Variants in ECHDC1 observed in about 807,000 individuals in gnomAD.
ECHDC1 encodes the protein ethylmalonyl-CoA decarboxylase.
Under a neutral mutation model 29.7 loss-of-function variants are expected in ECHDC1, and 29 were observed. That is an observed-to-expected ratio of 0.98 (90% CI 0.73 to 1.33). The LOEUF is 1.33. ECHDC1 is among the 40% of genes most tolerant of loss of function. The pLI is 0.00. For missense variants in ECHDC1, 328 were observed against 350.0 expected (o/e 0.94, Z 0.50); for synonymous variants, 126 against 123.1 (o/e 1.02, Z -0.15).
chr6:127,338,925 A>G (rs950607313), intron 1 of ECHDC1, among the ~76,000 whole-genome samples: 1 of 152,158 alleles, frequency 6.6e-6, no homozygotes, highest in Non-Finnish European at 1.5e-5. Context: ...ATGCATCCAC[A>G]GTTATTTCTT....
chr6:127,290,166 G>C lies in ECHDC1; in HGVS notation c.609C>G (p.Leu203=), dbSNP rs774175204. The change falls in exon 6 of 6, where the codon CTC becomes CTG. Residue 203 remains leucine (L), a synonymous_variant. Coordinates refer to ENST00000454859, the MANE Select transcript of ECHDC1 (RefSeq NM_001002030.2). ...LVEIIGSRQA[L]KVLSGALKLD... ...GTTTAAGGGCCCCACTCAACACTTTGAGAGCTTGTCTACTTCCGATTATTT... is the reference window on the plus strand; with the variant it reads ...GTTTAAGGGCCCCACTCAACACTTTCAGAGCTTGTCTACTTCCGATTATTT... 1.2e-6 allele frequency: 2 copies of C among 1,613,720 alleles called. No individual in the cohort carries two copies. Among genetic ancestry groups the C allele is most frequent in the East Asian group, 2.2e-5 (1 of 44,842 alleles).
chr6:127,304,911 T>C (rs557959995), intron 5 of ECHDC1, among the ~76,000 whole-genome samples: 4 of 152,218 alleles, frequency 2.6e-5, no homozygotes, highest in Admixed American at 1.3e-4. Flanking sequence ...CTACAGGATA[T>C]AGAAAATAGT....
intron 5 of ECHDC1, among the ~76,000 whole-genome samples, chr6:127,294,327 G>C (rs1320540497): frequency 1.3e-5 from 2 of 152,152 alleles, no homozygotes; most frequent in African/African-American, 4.8e-5. Context: ...GAAAATTATA[G>C]AATTCGCAAC....
chr6:127,330,071 C>A (rs570519883), intron 2 of ECHDC1, among the ~76,000 whole-genome samples: 1 of 152,138 alleles, frequency 6.6e-6, no homozygotes, highest in Non-Finnish European at 1.5e-5. Context: ...AAGTGCATAA[C>A]TGAAAAGGAG....
At chr6:127,326,584 T>C (rs982537032) in intron 3 of ECHDC1, 1 of 414,006 alleles carries the variant, frequency 2.4e-6, no homozygotes, top group Non-Finnish European at 5.0e-6. Context: ...CCTGTAAATT[T>C]AAAATTATTC....
At position 127,314,899 on chromosome 6, in the gene ECHDC1, G is replaced by A. The variant is rs376600385; in HGVS notation, c.417-3C>T. On this transcript the variant is annotated splice_polypyrimidine_tract_variant and splice_region_variant and intron_variant, in intron 4 of 5. Transcript: ENST00000454859. ...GCGCAACACTTATTAAAGGAAGTCT[G>A]TATATTGAAGAAAAAACTGATGTTA... The A allele has an allele frequency of 6.2e-7, 1 of 1,610,052 alleles. No individual in the cohort carries two copies. The highest frequency in any genetic ancestry group is 8.5e-7 in the Non-Finnish European group (1 of 1,177,930).
chr6:127,290,213 C>A lies in ECHDC1; in HGVS notation c.562G>T (p.Gly188Cys), dbSNP rs1482345307. Residue 188 changes from glycine (G) to cysteine (C), a missense_variant, in exon 6 of 6, where the codon GGT becomes TGT. Physicochemically the swap from Gly to Cys is radical, Grantham distance 159 (BLOSUM62 -3). Coordinates refer to ENST00000454859, the MANE Select transcript of ECHDC1 (RefSeq NM_001002030.2). Reference sequence around the variant, plus strand: ...ATTTCAACTAGCCGGGTGGTGCCACCCCAGCTTGGTATTATGCCCATCTCT... The same window carrying A: ...ATTTCAACTAGCCGGGTGGTGCCACACCAGCTTGGTATTATGCCCATCTCT... ...HKEMGIIPSW[G>C]GTTRLVEIIG... 2.5e-6 allele frequency: 4 copies of A among 1,613,462 alleles called. No homozygotes were observed. Among genetic ancestry groups the A allele is most frequent in the Non-Finnish European group, 3.4e-6 (4 of 1,179,732 alleles).
At chr6:127,320,231 G>A (rs1782730096) in intron 3 of ECHDC1, among the ~76,000 whole-genome samples, 1 of 152,120 alleles carries the variant, frequency 6.6e-6, no homozygotes, top group Non-Finnish European at 1.5e-5. Flanking sequence ...TGGCCAGGTT[G>A]GTCTCGAACT....
In ECHDC1 at chr6:127,290,017, A is replaced by G; in HGVS notation, c.758T>C (p.Val253Ala). The G allele has an allele frequency of 6.2e-7, 1 of 1,613,714 alleles. No homozygotes were observed. The highest frequency in any genetic ancestry group is 8.5e-7 in the Non-Finnish European group (1 of 1,179,762). ...AACAGATTTTTTCAAAGCTCTAATTACTTCCGGTGGCCCTTGGATGAATTG... is the reference window on the plus strand; with the variant it reads ...AACAGATTTTTTCAAAGCTCTAATTGCTTCCGGTGGCCCTTGGATGAATTG... The part of the protein sequence containing the change: ...LKQFIQGPPE[V>A]IRALKKSVCS... Residue 253 changes from valine (V) to alanine (A), a missense_variant, in exon 6 of 6, where the codon GTA becomes GCA. Transcript: ENST00000454859.
At chr6:127,336,263 GA>G (rs796266134) in intron 1 of ECHDC1, among the ~76,000 whole-genome samples, 139 of 152,104 alleles carry the variant, frequency 9.1e-4, no homozygotes, top group African/African-American at 3.2e-3. Context: ...AGGATACTGT[GA>G]AACTAAATAA....
At chr6:127,291,374 A>G (rs919862398) in intron 5 of ECHDC1, among the ~76,000 whole-genome samples, 3 of 151,110 alleles carry the variant, frequency 2.0e-5, no homozygotes, top group East Asian at 2.0e-4. Flanking sequence ...CATGGTACAC[A>G]TAATAGCTAG....
chr6:127,299,693 TA>T (rs1434248980), intron 5 of ECHDC1, among the ~76,000 whole-genome samples: 1 of 152,174 alleles, frequency 6.6e-6, no homozygotes, highest in Non-Finnish European at 1.5e-5. Flanking sequence ...TGTTTACATT[TA>T]ATTTTTTATG....
At chr6:127,321,423 TC>T (rs766188541) in intron 3 of ECHDC1, among the ~76,000 whole-genome samples, 5 of 152,216 alleles carry the variant, frequency 3.3e-5, no homozygotes, top group Non-Finnish European at 5.9e-5. Context: ...ATTTTAAGTT[TC>T]AGCTTTACAC....
At chr6:127,303,957 T>C (rs1781253349) in intron 5 of ECHDC1, among the ~76,000 whole-genome samples, 1 of 152,002 alleles carries the variant, frequency 6.6e-6, no homozygotes, top group African/African-American at 2.4e-5. Flanking sequence ...TTTTCCAGAG[T>C]CTAGTGGAAA....
chr6:127,333,442 G>A (rs1321665806), intron 1 of ECHDC1, among the ~76,000 whole-genome samples: 1 of 152,010 alleles, frequency 6.6e-6, no homozygotes, highest in Non-Finnish European at 1.5e-5. Context: ...CTTTTGGCAT[G>A]ACTATAGAGT....
intron 5 of ECHDC1, among the ~76,000 whole-genome samples, chr6:127,292,372 T>C (rs1264625604): frequency 6.6e-6 from 1 of 152,060 alleles, no homozygotes; most frequent in Admixed American, 6.6e-5. Flanking sequence ...CCTTATTTTA[T>C]AAGGTAAAGT....
intron 3 of ECHDC1, 32 bp downstream of exon 3, chr6:127,326,970 A>G: frequency 1.9e-6 from 3 of 1,595,886 alleles, no homozygotes; most frequent in Non-Finnish European, 2.6e-6. Flanking sequence ...ATAAACATGT[A>G]GAATCAAATG....
intron 2 of ECHDC1, chr6:127,329,761 C>T: frequency 4.5e-5 from 14 of 310,886 alleles, no homozygotes; most frequent in East Asian, 2.0e-4. Flanking sequence ...TTAATTTTAC[C>T]TTTTTTAAAT....
At chr6:127,325,782 C>A (rs1025886572) in intron 3 of ECHDC1, among the ~76,000 whole-genome samples, 2 of 152,028 alleles carry the variant, frequency 1.3e-5, no homozygotes, top group Admixed American at 6.6e-5. Context: ...CTCAATGAAG[C>A]CTTAAGCTCC....
Sources: gnomAD v4.1 joint callset for allele counts (sites outside exome capture counted in the v4.1 genomes callset) on GRCh38, gnomAD v4.1.1 for gene constraint, MANE v1.5 for transcripts, NCBI Gene and HGNC (gene_info 2026-07-23, HGNC 2026-07-21) for gene names.